DOCK7: variants seen among roughly 807,000 people sequenced by gnomAD.
DOCK7 encodes the protein dedicator of cytokinesis 7, also known as dedicator of cytokinesis protein 7.
A neutral mutation model predicts 271.0 loss-of-function variants in DOCK7; 138 were observed. The observed-to-expected ratio is 0.51, with a 90% CI of 0.44 to 0.59. DOCK7 has a LOEUF of 0.59. Among genes scored for constraint, DOCK7 ranks in the 20% least tolerant of loss-of-function variants. DOCK7 has a pLI of 0.00. For missense variants in DOCK7, 2,066 were observed against 2,592.4 expected (o/e 0.80, Z 4.41); for synonymous variants, 823 against 876.1 (o/e 0.94, Z 1.07).
chr1:62,541,448 C>T (rs1367291661), intron 25 of DOCK7, among the ~76,000 whole-genome samples: 7 of 152,152 alleles, frequency 4.6e-5, no homozygotes, highest in Admixed American at 4.6e-4. Flanking sequence ...GGTTTTCTCC[C>T]ACCTCTGCCA....
intron 31 of DOCK7, among the ~76,000 whole-genome samples, chr1:62,527,485 C>A (rs2149368561): frequency 6.6e-6 from 1 of 152,122 alleles, no homozygotes; most frequent in African/African-American, 2.4e-5. Flanking sequence ...CAATGATAGA[C>A]TGGATTAAGA....
chr1:62,460,098 CAAAAAAAAAAAAAA>C (rs71053316), intron 48 of DOCK7, among the ~76,000 whole-genome samples: 1 of 66,022 alleles, frequency 1.5e-5, no homozygotes, highest in African/African-American at 6.2e-5. Context: ...AGACTCGTCT[CAAAAAAAAAAAAAA>C]AAAAAAAAAA....
intron 14 of DOCK7, among the ~76,000 whole-genome samples, chr1:62,611,990 C>CAAA (rs11361002): frequency 7.7e-6 from 1 of 129,792 alleles, no homozygotes; most frequent in African/African-American, 2.7e-5. Flanking sequence ...AGTAAAAATA[C>CAAA]AAAAAAAAAA....
At chr1:62,594,653 T>C (rs1348324943) in intron 14 of DOCK7, among the ~76,000 whole-genome samples, 2 of 152,158 alleles carry the variant, frequency 1.3e-5, no homozygotes, top group South Asian at 2.1e-4. Context: ...CTACTACGTA[T>C]ACATTCTGCA....
At chr1:62,576,821 T>C (rs1413061361) in intron 18 of DOCK7, among the ~76,000 whole-genome samples, 1 of 152,226 alleles carries the variant, frequency 6.6e-6, no homozygotes, top group East Asian at 1.9e-4. Context: ...TCACAGCTAC[T>C]TTGTTTTCAT....
At chr1:62,613,709 T>C (rs916135681) in intron 14 of DOCK7, among the ~76,000 whole-genome samples, 9 of 152,198 alleles carry the variant, frequency 5.9e-5, no homozygotes, top group Non-Finnish European at 1.0e-4. Flanking sequence ...CTCAGTCAAA[T>C]GCTTCAATGA....
At chr1:62,651,080 T>C (rs1238600201) in intron 4 of DOCK7, among the ~76,000 whole-genome samples, 3 of 151,360 alleles carry the variant, frequency 2.0e-5, no homozygotes, top group African/African-American at 7.3e-5. Flanking sequence ...ATTAAGAAAA[T>C]GTGGCACATA....
chr1:62,627,541 G>C (rs1392531340), intron 11 of DOCK7: 1 of 151,876 alleles, frequency 6.6e-6, no homozygotes, highest in African/African-American at 2.4e-5. Flanking sequence ...ATTCAAAAAG[G>C]GTTCAGAGTA....
In DOCK7 at chr1:62,513,722, C is replaced by G. The variant is rs186300716; in HGVS notation, c.4113G>C (p.Glu1371Asp). The change falls in exon 32 of 50, where the codon GAG (glutamate) becomes GAC (aspartate). Residue 1371 changes from glutamate to aspartate, a missense_variant. Around this residue, in one of 2 missense-constraint regions of DOCK7, gnomAD observed 1,414 missense variants for 1,670.4 expected, o/e 0.85. Coordinates refer to ENST00000635253, the MANE Select transcript of DOCK7 (RefSeq NM_001367561.1). ...DLLYLCVSCF[E>D]YKGKKVFERM... ...TGGTACAATGACCACTTACTTTATA[C>G]TCAAAGCAAGACACACAGAGATAAA... is the stretch of plus-strand genomic sequence containing the variant. 6.2e-7 allele frequency: 1 copy of G among 1,613,668 alleles called. No individual in the cohort carries two copies. Among genetic ancestry groups the G allele is most frequent in the East Asian group, 2.2e-5 (1 of 44,870 alleles).
In DOCK7 at chr1:62,576,505, C is replaced by T. The variant is rs562381985; in HGVS notation, c.2112+757G>A. ...TGAGAAATAAGATCAGAGCAATAGC[C>T]TTGAATTGTTTTTTAAAAATAAAAA... On this transcript the variant is annotated intron_variant, in intron 18 of 49. Coordinates refer to ENST00000635253, the MANE Select transcript of DOCK7 (RefSeq NM_001367561.1). Among the ~76,000 whole-genome samples, 4 of 152,244 alleles carry T rather than the reference C, an allele frequency of 2.6e-5. 1 individual carries two copies. The highest frequency in any genetic ancestry group is 4.8e-5 in the African/African-American group (2 of 41,540).
intron 7 of DOCK7, among the ~76,000 whole-genome samples, chr1:62,643,104 G>A (rs1448692451): frequency 6.6e-6 from 1 of 151,352 alleles, no homozygotes; most frequent in Non-Finnish European, 1.5e-5. Flanking sequence ...TGGACAATGG[G>A]AAAAGCATAG....
intron 14 of DOCK7, among the ~76,000 whole-genome samples, chr1:62,589,609 G>A (rs12048208): frequency 0.13 from 19,022 of 151,224 alleles, 1,291 homozygotes; most frequent in South Asian, 0.25. Flanking sequence ...ACAAAGAGTT[G>A]GGGAGAAATG....
chr1:62,672,225 CAT>C (rs1473015766), intron 1 of DOCK7, among the ~76,000 whole-genome samples: 4 of 152,240 alleles, frequency 2.6e-5, no homozygotes, highest in Admixed American at 1.3e-4. Flanking sequence ...AATGTCCACA[CAT>C]GACATCATAC....
chr1:62,604,187 T>G lies in DOCK7; in HGVS notation c.1682+14519A>C, dbSNP rs759149679. ...AAACAAAGATTTGGTGTTTTCTACT[T>G]GGGATCACAAAGCAAAAGGACACTT... is the stretch of plus-strand genomic sequence containing the variant. On this transcript the variant is annotated intron_variant, in intron 14 of 49. Coordinates refer to ENST00000635253, the MANE Select transcript of DOCK7 (RefSeq NM_001367561.1). 5 of 1,613,392 alleles carry G rather than the reference T, an allele frequency of 3.1e-6. No homozygotes were observed. The East Asian group carries it at 1.1e-4, about 36-fold the overall frequency.
At chr1:62,670,992 C>T (rs769313878) in intron 1 of DOCK7, among the ~76,000 whole-genome samples, 5 of 152,076 alleles carry the variant, frequency 3.3e-5, no homozygotes, top group South Asian at 2.1e-4. Context: ...CTGAGCCCAG[C>T]GAGACCACGA....
At chr1:62,684,982 G>C (rs970855710) in intron 1 of DOCK7, among the ~76,000 whole-genome samples, 1 of 152,122 alleles carries the variant, frequency 6.6e-6, no homozygotes, top group African/African-American at 2.4e-5. Context: ...GCTTTGAAAA[G>C]AAATAAGGTT....
chr1:62,665,255 C>T (rs979519466), intron 1 of DOCK7, among the ~76,000 whole-genome samples: 4 of 152,182 alleles, frequency 2.6e-5, no homozygotes, highest in Non-Finnish European at 4.4e-5. Flanking sequence ...TCCCAAAGTG[C>T]TGGGATTACA....
intron 43 of DOCK7, chr1:62,484,603 C>T (rs1181843272): frequency 1.3e-5 from 2 of 152,164 alleles, no homozygotes; most frequent in Admixed American, 1.3e-4. Flanking sequence ...ATCCTCCTGC[C>T]TCTGCCTCCC....
intron 48 of DOCK7, among the ~76,000 whole-genome samples, chr1:62,472,060 A>G (rs1289163650): frequency 2.0e-5 from 3 of 152,020 alleles, no homozygotes; most frequent in Non-Finnish European, 4.4e-5. Flanking sequence ...TGTAAGGTTT[A>G]TATTATGTAG....
Sources: gnomAD v4.1 joint callset for allele counts (sites outside exome capture counted in the v4.1 genomes callset) on GRCh38, gnomAD v4.1.1 for gene constraint, gnomAD v4.1.1 regional missense constraint, MANE v1.5 for transcripts, NCBI Gene and HGNC (gene_info 2026-07-23, HGNC 2026-07-21) for gene names.